The following GPR176 variants were observed in gnomAD, a reference collection of about 807,000 sequenced individuals.
GPR176 encodes the protein G protein-coupled receptor 176, also known as G-protein coupled receptor 176.
GPR176 carries 26 observed loss-of-function variants against 35.4 expected under a neutral mutation model. The observed-to-expected ratio is 0.74, with a 90% CI of 0.54 to 1.02. The LOEUF (loss-of-function observed/expected upper bound fraction) is 1.02. GPR176 is among the 50% of genes least tolerant of loss of function. The pLI is 0.00. For synonymous variants in GPR176, 278 were observed against 271.3 expected (o/e 1.02, Z -0.24); for missense variants, 597 against 665.3 (o/e 0.90, Z 1.13).
At position 39,799,692 on chromosome 15, in the gene GPR176, C is replaced by G. The variant is rs776841811; in HGVS notation, c.*1440G>C. On this transcript the variant is annotated 3_prime_UTR_variant, in exon 3 of 3. Transcript: ENST00000561100. ...GACTAGCTCCTGTAAGTACCAAGAG[C>G]AAGAACACAACACTCTAGAGAAAAG... 2 of 152,226 alleles carry G rather than the reference C, an allele frequency of 1.3e-5. No homozygotes were observed. The highest frequency in any genetic ancestry group is 2.9e-5 in the Non-Finnish European group (2 of 68,056). 9.4% of individuals were successfully genotyped at this position (152,226 alleles called of 1,614,324 possible). A position where few individuals can be genotyped will look rare whatever the true frequency, so the allele number is the denominator to read the frequency against.
At chr15:39,828,348 G>T (rs910653807) in intron 1 of GPR176, among the ~76,000 whole-genome samples, 3 of 152,172 alleles carry the variant, frequency 2.0e-5, no homozygotes, top group Admixed American at 1.3e-4. Flanking sequence ...CTAACATGTT[G>T]TCTAGGAAGG....
intron 1 of GPR176, among the ~76,000 whole-genome samples, chr15:39,826,122 A>C (rs1038763885): frequency 6.6e-6 from 1 of 152,162 alleles, no homozygotes; most frequent in African/African-American, 2.4e-5. Context: ...CAGGATGAGA[A>C]GGACAGTGTG....
At chr15:39,888,455 C>T (rs2032749963) in intron 1 of GPR176, among the ~76,000 whole-genome samples, 1 of 152,190 alleles carries the variant, frequency 6.6e-6, no homozygotes. Flanking sequence ...TTGGCTAAGA[C>T]TCTTGCTCTG....
chr15:39,803,109 T>C (rs992434166), intron 2 of GPR176, among the ~76,000 whole-genome samples: 1 of 152,104 alleles, frequency 6.6e-6, no homozygotes, highest in Non-Finnish European at 1.5e-5. Flanking sequence ...ACATCTGTAG[T>C]AAAAGGGCTG....
intron 2 of GPR176, among the ~76,000 whole-genome samples, chr15:39,804,422 C>T (rs1455925847): frequency 6.6e-6 from 1 of 152,134 alleles, no homozygotes; most frequent in Non-Finnish European, 1.5e-5. Flanking sequence ...ACTAAAAGGA[C>T]TTGTTTTACT....
chr15:39,840,521 T>C (rs997587079), intron 1 of GPR176, among the ~76,000 whole-genome samples: 1 of 152,154 alleles, frequency 6.6e-6, no homozygotes, highest in Admixed American at 6.5e-5. Context: ...TTAGGAGATA[T>C]ACCTAATGTA....
rs141597848 is a variant in GPR176 at position 39,853,566 on chromosome 15, C to T, written c.173-46308G>A. 8.7e-3 allele frequency among the ~76,000 whole-genome samples: 1,330 copies of T among 152,222 alleles called. 12 individuals are homozygous for T. The highest frequency in any genetic ancestry group is 0.014 in the Middle Eastern group (4 of 294). On this transcript the variant is annotated intron_variant, in intron 1 of 2. Transcript: ENST00000561100. The stretch of plus-strand genomic sequence containing the variant: ...TGGTAACTTTTATGTTATATTTTAA[C>T]ATAATTTTTTAAAATACCTATTAAA...
intron 1 of GPR176, among the ~76,000 whole-genome samples, chr15:39,870,889 G>A (rs2032018570): frequency 6.6e-6 from 1 of 152,122 alleles, no homozygotes; most frequent in African/African-American, 2.4e-5. Context: ...TCCTAGAATT[G>A]CAAGAAATTG....
chr15:39,877,007 T>C (rs866882791), intron 1 of GPR176, among the ~76,000 whole-genome samples: 1 of 152,228 alleles, frequency 6.6e-6, no homozygotes, highest in Non-Finnish European at 1.5e-5. Context: ...GAGCCTTCTT[T>C]ACTAGTTCCA....
chr15:39,883,661 C>A (rs1197435003), intron 1 of GPR176, among the ~76,000 whole-genome samples: 2 of 152,162 alleles, frequency 1.3e-5, no homozygotes, highest in Non-Finnish European at 2.9e-5. Context: ...GTCTGAGAAA[C>A]ATCATGATGG....
chr15:39,886,952 G>T (rs1358032136), intron 1 of GPR176, among the ~76,000 whole-genome samples: 1 of 152,174 alleles, frequency 6.6e-6, no homozygotes, highest in Non-Finnish European at 1.5e-5. Context: ...GTCTGCATTT[G>T]TTCCAATGGG....
At chr15:39,907,672 T>C (rs925536473) in intron 1 of GPR176, among the ~76,000 whole-genome samples, 1 of 152,234 alleles carries the variant, frequency 6.6e-6, no homozygotes, top group African/African-American at 2.4e-5. Context: ...GTTTATGACC[T>C]AGAGGCTATT....
intron 1 of GPR176, among the ~76,000 whole-genome samples, chr15:39,888,130 T>G (rs2032737035): frequency 6.6e-6 from 1 of 152,234 alleles, no homozygotes; most frequent in Non-Finnish European, 1.5e-5. Flanking sequence ...TGTTCTTTGT[T>G]GAAAATGCTG....
At chr15:39,829,029 A>T in intron 1 of GPR176, 1 of 722,912 alleles carries the variant, frequency 1.4e-6, no homozygotes. Flanking sequence ...GTTAGGTACT[A>T]TTCTATCCCA....
intron 1 of GPR176, among the ~76,000 whole-genome samples, chr15:39,863,224 G>A (rs1314874874): frequency 6.6e-6 from 1 of 151,770 alleles, no homozygotes; most frequent in African/African-American, 2.4e-5. Flanking sequence ...GACTACAGGT[G>A]CACATCACCA....
At chr15:39,853,672 G>C (rs925301049) in intron 1 of GPR176, among the ~76,000 whole-genome samples, 1 of 152,094 alleles carries the variant, frequency 6.6e-6, no homozygotes, top group African/African-American at 2.4e-5. Context: ...GGAACATTTG[G>C]CAATGTAAGG....
At chr15:39,811,622 A>C (rs1345654271) in intron 1 of GPR176, among the ~76,000 whole-genome samples, 2 of 152,212 alleles carry the variant, frequency 1.3e-5, no homozygotes, top group African/African-American at 4.8e-5. Context: ...GTTGGTGCTC[A>C]AAAAGTTCCA....
At chr15:39,854,148 T>C (rs1341266309) in intron 1 of GPR176, among the ~76,000 whole-genome samples, 1 of 152,088 alleles carries the variant, frequency 6.6e-6, no homozygotes, top group Non-Finnish European at 1.5e-5. Context: ...CTCAGAGCAC[T>C]GCCCAGAGCA....
intron 1 of GPR176, among the ~76,000 whole-genome samples, chr15:39,906,948 T>C (rs1178408879): frequency 6.6e-6 from 1 of 152,226 alleles, no homozygotes; most frequent in Non-Finnish European, 1.5e-5. Context: ...CTCAAGGTGC[T>C]GCATTCTAAT....
Sources: gnomAD v4.1 joint callset for allele counts (sites outside exome capture counted in the v4.1 genomes callset) on GRCh38, gnomAD v4.1.1 for gene constraint, MANE v1.5 for transcripts, NCBI Gene and HGNC (gene_info 2026-07-23, HGNC 2026-07-21) for gene names.